ASXL3: variants seen among roughly 807,000 people sequenced by gnomAD.
ASXL3 encodes ASXL transcriptional regulator 3.
Under a neutral mutation model 170.6 loss-of-function variants are expected in ASXL3, and 34 were observed. That is an observed-to-expected ratio of 0.20 (90% CI 0.15 to 0.27). The LOEUF (loss-of-function observed/expected upper bound fraction) is 0.27. ASXL3 is among the 10% of genes least tolerant of loss of function. The probability of loss-of-function intolerance (pLI) is 1.00; values close to 1 mark genes in which losing one functional copy is unlikely to be tolerated. For synonymous variants in ASXL3, 1,002 were observed against 989.1 expected, an observed-to-expected ratio of 1.01 and a Z score of -0.24; for missense variants, 2,592 against 2,695.3, an observed-to-expected ratio of 0.96 and a Z score of 0.85.
intron 8 of ASXL3, among the ~76,000 whole-genome samples, chr18:33,684,580 A>G (rs1438208800): frequency 2.0e-5 from 3 of 152,070 alleles, no homozygotes; most frequent in East Asian, 3.9e-4. Flanking sequence ...TTTTGGGTAC[A>G]TTTTCATTTC....
Position 33,578,641 on chromosome 18 carries a change from A to G in ASXL3, c.10A>G (p.Lys4Glu). The G allele has an allele frequency of 1.5e-6, 2 of 1,359,350 alleles. No individual in the cohort carries two copies. Among genetic ancestry groups the G allele is most frequent in the Admixed American group, 2.1e-5 (1 of 46,512 alleles). 84.2% of individuals were successfully genotyped at this position (1,359,350 alleles called of 1,614,324 possible). Residue 4 changes from lysine to glutamate, a missense_variant, in exon 1 of 12, where the codon AAG becomes GAG. Transcript: ENST00000269197. ...TCAATGAGATGCAAACATGAAAGAC[A>G]AGAGGAAGAAGAAGGACCGCACCTG... The part of the protein sequence containing the change: MKD[K>E]RKKKDRTWAE...
chr18:33,702,170 A>G (rs1420036063), intron 8 of ASXL3, among the ~76,000 whole-genome samples: 6 of 152,170 alleles, frequency 3.9e-5, no homozygotes, highest in Non-Finnish European at 8.8e-5. Context: ...TAAAATGCCT[A>G]CTTCGAAAAC....
chr18:33,724,582 G>A (rs983332966), intron 8 of ASXL3, among the ~76,000 whole-genome samples: 1 of 152,060 alleles, frequency 6.6e-6, no homozygotes, highest in Non-Finnish European at 1.5e-5. Context: ...ATGAGATACT[G>A]ATGGTTGTTC....
chr18:33,632,567 A>T (rs773345524), intron 2 of ASXL3, among the ~76,000 whole-genome samples: 1 of 152,166 alleles, frequency 6.6e-6, no homozygotes, highest in Non-Finnish European at 1.5e-5. Flanking sequence ...ATTCTTCTCT[A>T]GTTCCCAGTC....
intron 2 of ASXL3, among the ~76,000 whole-genome samples, chr18:33,628,498 T>G (rs1430741015): frequency 1.3e-5 from 2 of 152,170 alleles, no homozygotes; most frequent in Non-Finnish European, 2.9e-5. Context: ...GGAACAATTT[T>G]AAGATTATCA....
intron 2 of ASXL3, among the ~76,000 whole-genome samples, chr18:33,630,515 G>C (rs1282848720): frequency 1.3e-5 from 2 of 151,858 alleles, no homozygotes; most frequent in Non-Finnish European, 2.9e-5. Flanking sequence ...GGAGGAGAGA[G>C]GAGAAAGAAG....
chr18:33,671,890 A>G, intron 7 of ASXL3, 24 bp downstream of exon 7: 4 of 1,472,810 alleles, frequency 2.7e-6, no homozygotes, highest in Non-Finnish European at 3.6e-6. Flanking sequence ...AGACTATGCC[A>G]TTTCACATTT....
At chr18:33,583,751 T>C (rs570980449) in intron 1 of ASXL3, among the ~76,000 whole-genome samples, 5 of 152,282 alleles carry the variant, frequency 3.3e-5, no homozygotes, top group East Asian at 1.9e-4. Flanking sequence ...TTTAGACTTG[T>C]AGAGTTGTAC....
chr18:33,663,731 A>G (rs540593997), intron 5 of ASXL3, among the ~76,000 whole-genome samples: 15 of 152,192 alleles, frequency 9.9e-5, no homozygotes, highest in Non-Finnish European at 1.6e-4. Flanking sequence ...TTCAGATTGG[A>G]AATATATTTA....
chr18:33,578,713 G>T, intron 1 of ASXL3, 28 bp downstream of exon 1: 1 of 1,198,534 alleles, frequency 8.3e-7, no homozygotes, highest in Non-Finnish European at 1.1e-6. Context: ...CACGCCGCCC[G>T]CGCCTCCCGC....
Position 33,696,460 on chromosome 18 carries a change from G to A in ASXL3, c.879+12892G>A, listed in dbSNP as rs113000311. On this transcript the variant is annotated intron_variant, in intron 8 of 11. Transcript: ENST00000269197. ...TTCCTTATCAGTCATGGAACCTAGG[G>A]GAAGAACGCCATCCAGATGCCAAAA... Among the ~76,000 whole-genome samples, 31 of 152,152 alleles carry A rather than the reference G, an allele frequency of 2.0e-4. 1 individual carries two copies. The highest frequency in any genetic ancestry group is 7.2e-4 in the Admixed American group (11 of 15,268).
rs1462116321 is a variant in ASXL3 at position 33,743,917 on chromosome 18, T to A, written c.4069T>A (p.Ser1357Thr). Residue 1357 changes from serine (S) to threonine (T), a missense_variant, in exon 12 of 12, where the codon TCT (serine) becomes ACT (threonine). Physicochemically the swap from Ser to Thr is moderately conservative, Grantham distance 58. Coordinates refer to ENST00000269197, the MANE Select transcript of ASXL3 (RefSeq NM_030632.3). ...GNNLPNLSTS[S>T]VLIPPMGINN... is the part of the protein sequence containing the mutation. Reference sequence around the variant, plus strand: ...CAATTTGCCAAACCTCTCCACTAGCTCTGTCTTGATTCCCCCAATGGGAAT... The same window carrying A: ...CAATTTGCCAAACCTCTCCACTAGCACTGTCTTGATTCCCCCAATGGGAAT... The A allele has an allele frequency of 3.1e-6, 5 of 1,613,844 alleles. No individual in the cohort carries two copies. Among genetic ancestry groups the A allele is most frequent in the Admixed American group, 1.7e-5 (1 of 60,004 alleles).
intron 8 of ASXL3, among the ~76,000 whole-genome samples, chr18:33,726,035 T>A (rs1357722185): frequency 6.6e-6 from 1 of 152,160 alleles, no homozygotes; most frequent in African/African-American, 2.4e-5. Context: ...TACACTGCAG[T>A]AGGAGTAACA....
At chr18:33,671,720 T>G in intron 6 of ASXL3, 27 bp from the exon 7 acceptor site, 2 of 1,564,638 alleles carry the variant, frequency 1.3e-6, no homozygotes, top group Non-Finnish European at 1.7e-6. Flanking sequence ...GAGAAGATAA[T>G]GACATAATAA....
intron 8 of ASXL3, among the ~76,000 whole-genome samples, chr18:33,713,787 C>T (rs2067120876): frequency 6.6e-6 from 1 of 152,108 alleles, no homozygotes; most frequent in African/African-American, 2.4e-5. Flanking sequence ...ATGGAAATAC[C>T]ACAAGCGGTA....
At chr18:33,585,618 C>T (rs1254869714) in intron 1 of ASXL3, among the ~76,000 whole-genome samples, 3 of 152,156 alleles carry the variant, frequency 2.0e-5, no homozygotes, top group South Asian at 2.1e-4. Context: ...CACATTCTTA[C>T]GTAGTTTTAA....
At chr18:33,625,134 TG>T (rs1362391051) in intron 2 of ASXL3, among the ~76,000 whole-genome samples, 1 of 152,114 alleles carries the variant, frequency 6.6e-6, no homozygotes, top group Non-Finnish European at 1.5e-5. Flanking sequence ...TTGTATTCCT[TG>T]GGGGAATTTC....
At chr18:33,605,298 AT>A (rs1371465379) in intron 1 of ASXL3, 1 of 151,996 alleles carries the variant, frequency 6.6e-6, no homozygotes, top group Admixed American at 6.6e-5. Context: ...GTGTCACATT[AT>A]TTTGATGGCA....
chr18:33,674,743 C>T lies in ASXL3; in HGVS notation c.715+2877C>T, dbSNP rs189774201. Among the ~76,000 whole-genome samples, 210 of 152,048 alleles carry T rather than the reference C, an allele frequency of 1.4e-3. 1 individual carries two copies. Among genetic ancestry groups the T allele is most frequent in the Middle Eastern group, 6.8e-3 (2 of 294 alleles). The stretch of plus-strand genomic sequence containing the variant: ...ACCCCATTCTGCTGCCTCAACCCCC[C>T]GAGTAGCTGGGACTACAGGCGCCCA... On this transcript the variant is annotated intron_variant, in intron 7 of 11. Coordinates refer to ENST00000269197, the MANE Select transcript of ASXL3 (RefSeq NM_030632.3).
Sources: gnomAD v4.1 joint callset for allele counts (sites outside exome capture counted in the v4.1 genomes callset) on GRCh38, gnomAD v4.1.1 for gene constraint, MANE v1.5 for transcripts, NCBI Gene and HGNC (gene_info 2026-07-23, HGNC 2026-07-21) for gene names.